Variants in JMY observed in about 807,000 individuals in gnomAD.
JMY encodes junction mediating and regulatory protein, p53 cofactor.
In JMY, 46 loss-of-function variants were observed where a neutral mutation model predicts 103.3. That is an observed-to-expected ratio of 0.45 (90% CI 0.35 to 0.57). JMY has a LOEUF of 0.57. Among genes scored for constraint, JMY ranks in the 20% least tolerant of loss-of-function variants. The probability of loss-of-function intolerance (pLI) is 0.00; values close to 1 mark genes in which losing one functional copy is unlikely to be tolerated. For missense variants in JMY, 1,238 were observed against 1,255.2 expected, an observed-to-expected ratio of 0.99 and a Z score of 0.21; for synonymous variants, 526 against 489.3, an observed-to-expected ratio of 1.07 and a Z score of -0.99.
chr5:79,238,424 G>A (rs146389452), intron 1 of JMY, among the ~76,000 whole-genome samples: 247 of 152,142 alleles, frequency 1.6e-3, no homozygotes, highest in African/African-American at 5.6e-3. Flanking sequence ...GGAAGAAAGG[G>A]TCTGAATGGA....
chr5:79,289,800 A>G (rs1746371210), intron 2 of JMY, among the ~76,000 whole-genome samples: 1 of 152,154 alleles, frequency 6.6e-6, no homozygotes, highest in African/African-American at 2.4e-5. Context: ...ATAAGTCTTA[A>G]CCAAAAAAGA....
In JMY at chr5:79,318,761, T is replaced by TAGAG. The variant is rs3081332; in HGVS notation, c.*3+2490_*3+2493dup. 1.2e-3 allele frequency among the ~76,000 whole-genome samples: 65 copies of TAGAG among 53,600 alleles called. 1 individual carries two copies. Among genetic ancestry groups the TAGAG allele is most frequent in the East Asian group, 1.5e-3 (3 of 2,018 alleles). The allele number at this position is 53,600 out of a possible 152,430, so 35.2% of individuals were successfully genotyped here. ...AAAGGAATATATATATATATATATA[T>TAGAG]AGAGAGAGAGAGAGAGAGAGAGAGA... On this transcript the variant is annotated intron_variant, in intron 10 of 10. Coordinates refer to ENST00000396137, the MANE Select transcript of JMY (RefSeq NM_152405.5).
intron 2 of JMY, among the ~76,000 whole-genome samples, chr5:79,279,848 G>A (rs1418290965): frequency 6.6e-6 from 1 of 151,760 alleles, no homozygotes; most frequent in African/African-American, 2.4e-5. Flanking sequence ...TTTTTGTTTT[G>A]TTTTGTTTTG....
intron 4 of JMY, 65 bp downstream of exon 4, chr5:79,291,364 C>A: frequency 7.1e-7 from 1 of 1,400,652 alleles, no homozygotes; most frequent in Non-Finnish European, 9.6e-7. Flanking sequence ...AATCTTTGCA[C>A]AAGACATTTT....
In JMY at chr5:79,270,437, T is replaced by C. The variant is rs1343792889; in HGVS notation, c.1033-7473T>C. Reference sequence around the variant, plus strand: ...TTAAAATATATATTTACATAAATATTTAAAATATATATTTACATAAATATT... The same window carrying C: ...TTAAAATATATATTTACATAAATATCTAAAATATATATTTACATAAATATT... On this transcript the variant is annotated intron_variant, in intron 1 of 10. Coordinates refer to ENST00000396137, the MANE Select transcript of JMY (RefSeq NM_152405.5). Among the ~76,000 whole-genome samples the C allele has an allele frequency of 5.3e-5, 4 of 75,740 alleles. 1 individual carries two copies. The highest frequency in any genetic ancestry group is 1.1e-4 in the Non-Finnish European group (4 of 35,388). The allele number at this position is 75,740 out of a possible 152,430, so 49.7% of individuals were successfully genotyped here.
chr5:79,268,561 C>T (rs1015065553), intron 1 of JMY, among the ~76,000 whole-genome samples: 1 of 152,084 alleles, frequency 6.6e-6, no homozygotes, highest in African/African-American at 2.4e-5. Flanking sequence ...GATCTCGGCT[C>T]ACTGCAACCT....
chr5:79,300,914 T>A, intron 6 of JMY, 51 bp downstream of exon 6: 1 of 1,420,710 alleles, frequency 7.0e-7, no homozygotes, highest in Non-Finnish European at 9.5e-7. Flanking sequence ...CCGTATCTAC[T>A]AATCTCATCT....
chr5:79,301,396 A>C (rs1331106738), intron 6 of JMY, among the ~76,000 whole-genome samples: 1 of 152,136 alleles, frequency 6.6e-6, no homozygotes, highest in East Asian at 1.9e-4. Flanking sequence ...TAGCTCTCCA[A>C]CCTAGACCAA....
intron 9 of JMY, among the ~76,000 whole-genome samples, chr5:79,315,671 G>A (rs1231944972): frequency 6.6e-6 from 1 of 152,138 alleles, no homozygotes; most frequent in Non-Finnish European, 1.5e-5. Flanking sequence ...TTTGGGTGGA[G>A]CAACTGCAAT....
At chr5:79,251,520 T>G (rs912799975) in intron 1 of JMY, among the ~76,000 whole-genome samples, 3 of 152,156 alleles carry the variant, frequency 2.0e-5, no homozygotes, top group African/African-American at 7.2e-5. Context: ...ATCCGTCCCC[T>G]CAAGCATTTG....
Position 79,284,487 on chromosome 5 carries a change from G to A in JMY, c.1207-5634G>A, listed in dbSNP as rs767691091. On this transcript the variant is annotated intron_variant, in intron 2 of 10. Transcript: ENST00000396137. ...GAGGTCTTCTGTATCTGATTGTTGC[G>A]TTTTTTAGTAAAACCAACACAGAAC... The A allele has an allele frequency of 3.1e-4, 499 of 1,586,808 alleles. 1 individual carries two copies. The highest frequency in any genetic ancestry group is 3.9e-4 in the Non-Finnish European group (453 of 1,168,840).
intron 1 of JMY, among the ~76,000 whole-genome samples, chr5:79,238,890 C>G (rs1300013946): frequency 6.6e-6 from 1 of 152,148 alleles, no homozygotes; most frequent in African/African-American, 2.4e-5. Context: ...GTCTCGATCT[C>G]CTGACCTCGT....
chr5:79,242,123 T>G (rs938174803), intron 1 of JMY, among the ~76,000 whole-genome samples: 9 of 152,234 alleles, frequency 5.9e-5, no homozygotes, highest in Non-Finnish European at 1.2e-4. Flanking sequence ...TATAAAGATG[T>G]GCTCAATTCT....
In JMY at chr5:79,237,056, G is replaced by A. The variant is rs1580319375; in HGVS notation, c.406G>A (p.Ala136Thr). The part of the protein sequence containing the change: ...PRLRSPGSKG[A>T]ESRLRSPVRA... The stretch of plus-strand genomic sequence containing the variant: ...GCTGCGGAGTCCTGGCAGCAAAGGG[G>A]CGGAGAGTCGTCTTAGGAGCCCAGT... The change falls in exon 1 of 11, where the codon GCG (alanine) becomes ACG (threonine). Residue 136 changes from alanine (A) to threonine (T), a missense_variant. Coordinates refer to ENST00000396137, the MANE Select transcript of JMY (RefSeq NM_152405.5). The A allele has an allele frequency of 4.6e-6, 7 of 1,530,208 alleles. No homozygotes were observed. The highest frequency in any genetic ancestry group is 4.1e-5 in the African/African-American group (3 of 72,540). 94.8% of individuals were successfully genotyped at this position (1,530,208 alleles called of 1,614,324 possible). A position where few individuals can be genotyped will look rare whatever the true frequency, so the allele number is the denominator to read the frequency against.
At chr5:79,269,883 G>A (rs1196905889) in intron 1 of JMY, among the ~76,000 whole-genome samples, 2 of 151,916 alleles carry the variant, frequency 1.3e-5, no homozygotes, top group African/African-American at 2.4e-5. Flanking sequence ...ATGTGCTACC[G>A]TGTCCAGCTA....
chr5:79,315,721 GACCACC>G, intron 9 of JMY, among the ~76,000 whole-genome samples: 1 of 152,128 alleles, frequency 6.6e-6, no homozygotes, highest in South Asian at 2.1e-4. Context: ...ATACTACTAA[GACCACC>G]TCCCAGTTCC....
chr5:79,291,243 A>G lies in JMY; in HGVS notation c.1471A>G (p.Met491Val). The G allele has an allele frequency of 6.2e-7, 1 of 1,613,262 alleles. No individual in the cohort carries two copies. Among genetic ancestry groups the G allele is most frequent in the Non-Finnish European group, 8.5e-7 (1 of 1,179,684 alleles). The change falls in exon 4 of 11, where the codon ATG becomes GTG. Residue 491 changes from methionine to valine, a missense_variant. Transcript: ENST00000396137. ...TGCAGTTTCTAAGGAAACTTTGCAG[A>G]TGATGAGAGCTAAAGAGATATGCTT... ...QYAVSKETLQ[M>V]MRAKEICLEQ...
chr5:79,303,548 G>A (rs1746798762), intron 6 of JMY, among the ~76,000 whole-genome samples: 2 of 152,186 alleles, frequency 1.3e-5, no homozygotes, highest in Non-Finnish European at 2.9e-5. Flanking sequence ...AAGGGCACAG[G>A]CTATGAAAGA....
chr5:79,326,877 C>T lies in JMY; in HGVS notation c.*5275C>T, dbSNP rs373604420. On this transcript the variant is annotated 3_prime_UTR_variant, in exon 11 of 11. Transcript: ENST00000396137. ...GCACAGTGTATTGTAAATGCCAACTCTTGCAAATTTACAATACTTAAATAT... is the reference window on the plus strand; with the variant it reads ...GCACAGTGTATTGTAAATGCCAACTTTTGCAAATTTACAATACTTAAATAT... The T allele has an allele frequency of 6.6e-6, 1 of 152,176 alleles. No individual in the cohort carries two copies. Among genetic ancestry groups the T allele is most frequent in the Non-Finnish European group, 1.5e-5 (1 of 68,012 alleles). 9.4% of individuals were successfully genotyped at this position (152,176 alleles called of 1,614,324 possible).
Sources: allele counts gnomAD v4.1 joint callset (sites outside exome capture counted in the v4.1 genomes callset), GRCh38; gene constraint gnomAD v4.1.1; transcripts MANE v1.5; gene names NCBI Gene and HGNC (gene_info 2026-07-23, HGNC 2026-07-21).